The following ANGPT1 variants were observed in gnomAD, a reference collection of about 807,000 sequenced individuals.
ANGPT1 encodes angiopoietin 1, also known as angiopoietin-1.
A neutral mutation model predicts 62.2 loss-of-function variants in ANGPT1; 17 were observed. The ratio of observed to expected loss-of-function variants is 0.27; its 90% CI spans 0.19 to 0.41. The LOEUF is 0.41. ANGPT1 is among the 10% of genes least tolerant of loss of function. The pLI, the probability that ANGPT1 is intolerant of heterozygous loss-of-function variation, is 1.00. For missense variants in ANGPT1, 478 were observed against 594.9 expected (o/e 0.80, Z 2.04); for synonymous variants, 199 against 198.9 (o/e 1.00, Z 0.00).
chr8:107,397,989 G>A (rs1816968535), intron 1 of ANGPT1, among the ~76,000 whole-genome samples: 1 of 152,096 alleles, frequency 6.6e-6, no homozygotes, highest in Non-Finnish European at 1.5e-5. Context: ...AGATTATCAG[G>A]GTTTGGCTGA....
intron 7 of ANGPT1, among the ~76,000 whole-genome samples, chr8:107,275,052 C>T (rs76420972): frequency 0.017 from 2,590 of 151,996 alleles, 45 homozygotes; most frequent in Non-Finnish European, 0.026. Flanking sequence ...TCAAGAAAAT[C>T]CAATTAGGCA....
At chr8:107,272,358 T>C (rs1238547291) in intron 7 of ANGPT1, among the ~76,000 whole-genome samples, 1 of 152,240 alleles carries the variant, frequency 6.6e-6, no homozygotes, top group African/African-American at 2.4e-5. Flanking sequence ...ATGATTGTTT[T>C]AGATATTAGC....
At chr8:107,376,774 A>G (rs1219572036) in intron 1 of ANGPT1, among the ~76,000 whole-genome samples, 3 of 152,224 alleles carry the variant, frequency 2.0e-5, no homozygotes, top group Non-Finnish European at 4.4e-5. Flanking sequence ...TTCTCACTAA[A>G]TTCCAAAATT....
chr8:107,351,104 T>C (rs1416209591), intron 1 of ANGPT1, among the ~76,000 whole-genome samples: 2 of 152,158 alleles, frequency 1.3e-5, no homozygotes, highest in African/African-American at 4.8e-5. Flanking sequence ...TAATGAGTTA[T>C]AATGTAGGAG....
intron 1 of ANGPT1, among the ~76,000 whole-genome samples, chr8:107,363,884 T>A (rs1401810537): frequency 6.6e-6 from 1 of 152,160 alleles, no homozygotes; most frequent in Non-Finnish European, 1.5e-5. Context: ...AATATAATAA[T>A]ATCTACATCA....
intron 3 of ANGPT1, among the ~76,000 whole-genome samples, chr8:107,326,246 A>G (rs1312292344): frequency 1.3e-5 from 2 of 152,160 alleles, no homozygotes; most frequent in African/African-American, 4.8e-5. Flanking sequence ...AGTAATATGC[A>G]TAACAACTAC....
intron 6 of ANGPT1, among the ~76,000 whole-genome samples, chr8:107,289,358 A>C (rs761870945): frequency 2.6e-5 from 4 of 152,160 alleles, no homozygotes; most frequent in Non-Finnish European, 2.9e-5. Context: ...TGTCTCTGAT[A>C]CTTTATTTGT....
chr8:107,431,870 C>A (rs1282523132), intron 1 of ANGPT1, among the ~76,000 whole-genome samples: 1 of 152,118 alleles, frequency 6.6e-6, no homozygotes, highest in Admixed American at 6.6e-5. Flanking sequence ...ATATATCCCT[C>A]CAGAAATACA....
At chr8:107,490,001 C>T (rs1021846002) in intron 1 of ANGPT1, among the ~76,000 whole-genome samples, 1 of 151,380 alleles carries the variant, frequency 6.6e-6, no homozygotes, top group Non-Finnish European at 1.5e-5. Flanking sequence ...AATGTATCCA[C>T]ACAGAGACAA....
chr8:107,367,642 A>G (rs1816304282), intron 1 of ANGPT1, among the ~76,000 whole-genome samples: 2 of 152,064 alleles, frequency 1.3e-5, no homozygotes, highest in Admixed American at 6.6e-5. Flanking sequence ...TCAAAATGGG[A>G]CTCAATCCTC....
At chr8:107,299,232 C>T (rs1814493637) in intron 5 of ANGPT1, among the ~76,000 whole-genome samples, 1 of 150,838 alleles carries the variant, frequency 6.6e-6, no homozygotes, top group African/African-American at 2.4e-5. Context: ...CCTGCTTAAT[C>T]CTCTGATTAA....
chr8:107,417,309 C>A (rs1178394678), intron 1 of ANGPT1, among the ~76,000 whole-genome samples: 1 of 152,078 alleles, frequency 6.6e-6, no homozygotes, highest in Non-Finnish European at 1.5e-5. Context: ...AGAGAATGAT[C>A]TGATATCATG....
intron 1 of ANGPT1, among the ~76,000 whole-genome samples, chr8:107,374,928 G>A (rs540352070): frequency 1.3e-5 from 2 of 152,248 alleles, no homozygotes; most frequent in East Asian, 1.9e-4. Flanking sequence ...TTGGGAGGCC[G>A]AGGAGGGCGG....
chr8:107,403,703 A>G (rs1817091086), intron 1 of ANGPT1, among the ~76,000 whole-genome samples: 1 of 152,170 alleles, frequency 6.6e-6, no homozygotes, highest in African/African-American at 2.4e-5. Flanking sequence ...TTAAATTAGC[A>G]TAAGATGCTT....
chr8:107,467,460 CAA>C (rs1295364189), intron 1 of ANGPT1, among the ~76,000 whole-genome samples: 2 of 151,666 alleles, frequency 1.3e-5, no homozygotes, highest in Non-Finnish European at 2.9e-5. Context: ...TAAAACAAAA[CAA>C]AAGAGTATGG....
At position 107,370,407 on chromosome 8, in the gene ANGPT1, A is replaced by AGAAAGGAAGGAAG. The variant is rs149930759; in HGVS notation, c.298-23311_298-23310insCTTCCTTCCTTTC. 1.4e-4 allele frequency among the ~76,000 whole-genome samples: 10 copies of AGAAAGGAAGGAAG among 71,970 alleles called. 1 individual carries two copies. Among genetic ancestry groups the AGAAAGGAAGGAAG allele is most frequent in the Non-Finnish European group, 2.1e-4 (7 of 32,964 alleles). The allele number at this position is 71,970 out of a possible 152,430, so 47.2% of individuals were successfully genotyped here. A position where few individuals can be genotyped will look rare whatever the true frequency, so the allele number is the denominator to read the frequency against. On this transcript the variant is annotated intron_variant, in intron 1 of 8. Coordinates refer to ENST00000517746, the MANE Select transcript of ANGPT1 (RefSeq NM_001146.5). ...AAGAAAGAAAGAAAGAAAGAAAGAA[A>AGAAAGGAAGGAAG]GAGTCAGGGTCAGTGGCTCAGGCCT...
At chr8:107,421,046 T>A (rs1235584068) in intron 1 of ANGPT1, among the ~76,000 whole-genome samples, 1 of 152,180 alleles carries the variant, frequency 6.6e-6, no homozygotes, top group Non-Finnish European at 1.5e-5. Context: ...TATTTGGAAT[T>A]TAAAAACATA....
intron 7 of ANGPT1, chr8:107,284,447 C>T (rs1385152608): frequency 1.1e-5 from 3 of 281,850 alleles, no homozygotes; most frequent in Non-Finnish European, 2.0e-5. Context: ...CTTCATTCAC[C>T]ATTCCCTAAA....
chr8:107,277,325 TTAA>T (rs1180117655), intron 7 of ANGPT1, among the ~76,000 whole-genome samples: 3 of 152,174 alleles, frequency 2.0e-5, no homozygotes, highest in African/African-American at 7.2e-5. Flanking sequence ...TTGTGTCCTT[TTAA>T]TATTAAGGCA....
Sources: gnomAD v4.1 joint callset for allele counts (sites outside exome capture counted in the v4.1 genomes callset) on GRCh38, gnomAD v4.1.1 for gene constraint, MANE v1.5 for transcripts, NCBI Gene and HGNC (gene_info 2026-07-23, HGNC 2026-07-21) for gene names.